The following ZNF620 variants were observed in gnomAD, a reference collection of about 807,000 sequenced individuals.
ZNF620 encodes zinc finger protein 620.
In ZNF620, 10 loss-of-function variants were observed where a neutral mutation model predicts 13.3. The ratio of observed to expected loss-of-function variants is 0.75; its 90% CI spans 0.46 to 1.28. The LOEUF (loss-of-function observed/expected upper bound fraction) is 1.28, where lower values mean the gene tolerates loss of function less well. Ranked by LOEUF, ZNF620 falls within the 50% of genes most tolerant of loss-of-function variation. ZNF620 has a pLI of 0.00. For synonymous variants in ZNF620, 166 were observed against 177.6 expected (o/e 0.93, Z 0.52); for missense variants, 461 against 500.2 (o/e 0.92, Z 0.75).
chr3:40,511,695 T>A, intron 3 of ZNF620, 99 bp downstream of exon 3: 1 of 1,495,242 alleles, frequency 6.7e-7, no homozygotes, highest in Non-Finnish European at 8.9e-7. Context: ...TTTCTTTTTT[T>A]TTTGAGACAA....
intron 2 of ZNF620, chr3:40,508,914 G>T: frequency 2.7e-6 from 1 of 372,154 alleles, no homozygotes; most frequent in East Asian, 8.2e-5. Flanking sequence ...CACCATGCCT[G>T]GCCTTACAGT....
rs1211602067 is a variant in ZNF620, at chr3:40,516,280, G to A, written c.686G>A (p.Cys229Tyr). ...GAAAAGTCTTTTGAATGCAAAGAAT[G>A]TGGAAAATACTTCAGATATAACTCA... ...TGEKSFECKE[C>Y]GKYFRYNSLL... The change falls in exon 5 of 5, where the codon TGT becomes TAT. Residue 229 changes from cysteine to tyrosine, a missense_variant. Cys to Tyr is a radical substitution (Grantham distance 194). Transcript: ENST00000314529. 17 of 1,614,050 alleles carry A rather than the reference G, an allele frequency of 1.1e-5. No homozygotes were observed. Among genetic ancestry groups the A allele is most frequent in the Non-Finnish European group, 1.4e-5 (16 of 1,180,056 alleles).
chr3:40,515,006 T>A (rs1355553356), intron 4 of ZNF620, among the ~76,000 whole-genome samples: 3 of 152,180 alleles, frequency 2.0e-5, no homozygotes, highest in Non-Finnish European at 4.4e-5. Flanking sequence ...GGCTGAAGAT[T>A]TTACTTAGTC....
chr3:40,509,522 G>A (rs939099390), intron 2 of ZNF620, among the ~76,000 whole-genome samples: 25 of 152,044 alleles, frequency 1.6e-4, no homozygotes, highest in Admixed American at 2.0e-4. Flanking sequence ...ATGAGCCACC[G>A]TGCCTGGCTC....
At chr3:40,506,589 T>TTAAAAA (rs1416209055) in intron 2 of ZNF620, among the ~76,000 whole-genome samples, 2 of 152,178 alleles carry the variant, frequency 1.3e-5, no homozygotes, top group Non-Finnish European at 2.9e-5. Flanking sequence ...TGAAGCCAGC[T>TTAAAAA]TAAAAATAAA....
chr3:40,507,339 C>T (rs573312854), intron 2 of ZNF620, among the ~76,000 whole-genome samples: 1 of 152,288 alleles, frequency 6.6e-6, no homozygotes, highest in African/African-American at 2.4e-5. Flanking sequence ...ATTCCCCCAC[C>T]TTGGCTTCCC....
At chr3:40,507,586 G>A (rs1698068607) in intron 2 of ZNF620, among the ~76,000 whole-genome samples, 1 of 152,032 alleles carries the variant, frequency 6.6e-6, no homozygotes, top group Admixed American at 6.6e-5. Flanking sequence ...CTTTTCTTGT[G>A]ATGTCTTTGT....
At position 40,506,168 on chromosome 3, in the gene ZNF620, C is replaced by T. The variant is rs1050816561; in HGVS notation, c.-50+30C>T. The stretch of plus-strand genomic sequence containing the variant: ...CTGATTGGTTTTCCTGGGGCTTGTT[C>T]TGCCTGGTTTTGCAACCCCTTTGCT... On this transcript the variant is annotated intron_variant, in intron 1 of 4. Transcript: ENST00000314529. The T allele has an allele frequency of 5.6e-6, 4 of 717,188 alleles. No homozygotes were observed. In the Admixed American group the frequency reaches 8.3e-5, roughly 15 times the overall value. 44.4% of individuals were successfully genotyped at this position (717,188 alleles called of 1,614,324 possible).
Position 40,516,932 on chromosome 3 carries a change from C to T in ZNF620, c.*69C>T, listed in dbSNP as rs909915531. 57 of 1,485,616 alleles carry T rather than the reference C, an allele frequency of 3.8e-5. No homozygotes were observed. In the African/African-American group the frequency reaches 7.3e-4, roughly 19 times the overall value. The allele number at this position is 1,485,616 out of a possible 1,614,324, so 92.0% of individuals were successfully genotyped here. On this transcript the variant is annotated 3_prime_UTR_variant, in exon 5 of 5. Transcript: ENST00000314529. Reference sequence around the variant, plus strand: ...TTATTTTCATGCTTTTTATCAGTGTCCTCGCTGTCCTTCCTGGTTAGACAC... The same window carrying T: ...TTATTTTCATGCTTTTTATCAGTGTTCTCGCTGTCCTTCCTGGTTAGACAC...
At chr3:40,510,895 A>G (rs1160875707) in intron 2 of ZNF620, among the ~76,000 whole-genome samples, 2 of 152,064 alleles carry the variant, frequency 1.3e-5, no homozygotes, top group Non-Finnish European at 2.9e-5. Flanking sequence ...GACTACAGGC[A>G]TGCACCACCA....
In ZNF620 at chr3:40,516,919, T is replaced by G; in HGVS notation, c.*56T>G. ...TCCTTTTTTCTCTTTATTTTCATGC[T>G]TTTTATCAGTGTCCTCGCTGTCCTT... On this transcript the variant is annotated 3_prime_UTR_variant, in exon 5 of 5. Coordinates refer to ENST00000314529, the MANE Select transcript of ZNF620 (RefSeq NM_175888.4). The G allele has an allele frequency of 6.6e-7, 1 of 1,511,022 alleles. No homozygotes were observed. Among genetic ancestry groups the G allele is most frequent in the Non-Finnish European group, 8.9e-7 (1 of 1,128,138 alleles). The allele number at this position is 1,511,022 out of a possible 1,614,324, so 93.6% of individuals were successfully genotyped here. A position where few individuals can be genotyped will look rare whatever the true frequency, so the allele number is the denominator to read the frequency against.
chr3:40,507,710 C>T (rs369485066), intron 2 of ZNF620, among the ~76,000 whole-genome samples: 5 of 152,148 alleles, frequency 3.3e-5, no homozygotes, highest in Admixed American at 6.5e-5. Context: ...GCTATCTAGG[C>T]ATGGGGTTTT....
chr3:40,509,509 T>C (rs1176231813), intron 2 of ZNF620, among the ~76,000 whole-genome samples: 2 of 151,966 alleles, frequency 1.3e-5, no homozygotes, highest in Non-Finnish European at 2.9e-5. Context: ...TGGGATTACA[T>C]GCATGAGCCA....
At chr3:40,506,661 G>A (rs1467081496) in intron 2 of ZNF620, among the ~76,000 whole-genome samples, 1 of 152,206 alleles carries the variant, frequency 6.6e-6, no homozygotes, top group Admixed American at 6.5e-5. Flanking sequence ...ACCCTAGTCC[G>A]CAGGCTTGGA....
intron 2 of ZNF620, among the ~76,000 whole-genome samples, chr3:40,510,928 T>C (rs1311021068): frequency 6.6e-6 from 1 of 152,142 alleles, no homozygotes; most frequent in Admixed American, 6.6e-5. Context: ...TTTTGTATTT[T>C]TTGTAGAGAC....
At chr3:40,508,533 A>G (rs761134779) in intron 2 of ZNF620, 6 of 256,104 alleles carry the variant, frequency 2.3e-5, no homozygotes, top group Non-Finnish European at 4.0e-5. Context: ...ACTTTGTATG[A>G]CTTGAATCAT....
Position 40,506,192 on chromosome 3 carries a change from C to CT in ZNF620, c.-50+59dup, listed in dbSNP as rs1439608769. The CT allele has an allele frequency of 4.5e-6, 4 of 892,762 alleles. No homozygotes were observed. The African/African-American group carries it at 4.9e-5, about 11-fold the overall frequency. The allele number at this position is 892,762 out of a possible 1,614,324, so 55.3% of individuals were successfully genotyped here. A position where few individuals can be genotyped will look rare whatever the true frequency, so the allele number is the denominator to read the frequency against. On this transcript the variant is annotated intron_variant, in intron 1 of 4. Coordinates refer to ENST00000314529, the MANE Select transcript of ZNF620 (RefSeq NM_175888.4). ...TCTGCCTGGTTTTGCAACCCCTTTG[C>CT]TTTTTGGGGTGAGGAGTTGGCGGAA...
chr3:40,516,850 C>G lies in ZNF620; in HGVS notation c.1256C>G (p.Pro419Arg). Reference sequence around the variant, plus strand: ...CAGAAACTACACACTCAGAAGACACCTGTCCAAGCATAGGGCTATCCATAG... The same window carrying G: ...CAGAAACTACACACTCAGAAGACACGTGTCCAAGCATAGGGCTATCCATAG... ...LHQKLHTQKT[P>R]VQA Residue 419 changes from proline to arginine, a missense_variant, in exon 5 of 5, where the codon CCT becomes CGT. Pro to Arg is a moderately radical substitution (Grantham distance 103). Transcript: ENST00000314529. 6.2e-7 allele frequency: 1 copy of G among 1,606,906 alleles called. No individual in the cohort carries two copies. Among genetic ancestry groups the G allele is most frequent in the South Asian group, 1.1e-5 (1 of 90,162 alleles).
rs1698362405 is a variant in ZNF620, at chr3:40,515,878, A to G, written c.284A>G (p.Glu95Gly). The change falls in exon 5 of 5, where the codon GAG (glutamate) becomes GGG (glycine). Residue 95 changes from glutamate (E) to glycine (G), a missense_variant. Physicochemically the swap from Glu to Gly is moderately conservative, Grantham distance 98. Coordinates refer to ENST00000314529, the MANE Select transcript of ZNF620 (RefSeq NM_175888.4). ...GTGATAGGGGATGAGGCCAGAACTG[A>G]GAAGGAAGGATTAACTCCAAAGGAT... ...GICPGDEART[E>G]KEGLTPKDHV... The G allele has an allele frequency of 5.0e-6, 8 of 1,610,444 alleles. No homozygotes were observed. Among genetic ancestry groups the G allele is most frequent in the Non-Finnish European group, 5.1e-6 (6 of 1,178,128 alleles).
Sources: allele counts gnomAD v4.1 joint callset (sites outside exome capture counted in the v4.1 genomes callset), GRCh38; gene constraint gnomAD v4.1.1; transcripts MANE v1.5; gene names NCBI Gene and HGNC (gene_info 2026-07-23, HGNC 2026-07-21).